TTLL10: variants seen among roughly 807,000 people sequenced by gnomAD.
TTLL10 encodes tubulin tyrosine ligase like 10.
Under a neutral mutation model 69.0 loss-of-function variants are expected in TTLL10, and 61 were observed. The ratio of observed to expected loss-of-function variants is 0.88; its 90% CI spans 0.72 to 1.09. The LOEUF (loss-of-function observed/expected upper bound fraction) is 1.09, where lower values mean the gene tolerates loss of function less well. TTLL10 is among the 50% of genes least tolerant of loss of function. TTLL10 has a pLI of 0.00. For missense variants in TTLL10, 962 were observed against 945.9 expected, an observed-to-expected ratio of 1.02 and a Z score of -0.22; for synonymous variants, 408 against 393.3, an observed-to-expected ratio of 1.04 and a Z score of -0.44.
In TTLL10 at chr1:1,185,227, G is replaced by A; in HGVS notation, c.1401+118G>A. 6.6e-7 allele frequency: 1 copy of A among 1,507,140 alleles called. No homozygotes were observed. The highest frequency in any genetic ancestry group is 8.9e-7 in the Non-Finnish European group (1 of 1,128,432). 93.4% of individuals were successfully genotyped at this position (1,507,140 alleles called of 1,614,324 possible). On this transcript the variant is annotated intron_variant, in intron 13 of 15. Transcript: ENST00000379289. This position sits in a 1 kb window ranked among gnomAD's most constrained non-coding sequence, Gnocchi z 6.1. Reference sequence around the variant, plus strand: ...CGTGCGTGGGCGGCTGCGCTGAAGTGTGACCTGACCGTGTGGAACCAAACC... The same window carrying A: ...CGTGCGTGGGCGGCTGCGCTGAAGTATGACCTGACCGTGTGGAACCAAACC...
chr1:1,176,930 C>A (rs189135311), intron 3 of TTLL10, among the ~76,000 whole-genome samples: 2 of 152,320 alleles, frequency 1.3e-5, no homozygotes, highest in Non-Finnish European at 2.9e-5. Context: ...CTGTCTCCAT[C>A]ACCCCAGCCT....
intron 13 of TTLL10, among the ~76,000 whole-genome samples, chr1:1,190,467 G>T (rs986530704): frequency 6.8e-6 from 1 of 146,868 alleles, no homozygotes; most frequent in Admixed American, 7.0e-5. Context: ...TTGCTCTGTC[G>T]CCCAAGCTGG....
intron 13 of TTLL10, among the ~76,000 whole-genome samples, chr1:1,190,071 C>CACT (rs1647633201): frequency 6.7e-6 from 1 of 150,034 alleles, no homozygotes; most frequent in Non-Finnish European, 1.5e-5. Flanking sequence ...GAGATCGCAC[C>CACT]ACTGCACTCC....
chr1:1,193,458 T>C (rs1330826272), intron 13 of TTLL10, among the ~76,000 whole-genome samples: 1 of 152,162 alleles, frequency 6.6e-6, no homozygotes, highest in African/African-American at 2.4e-5. Context: ...GAGAGATATT[T>C]TCTAGTGTAG....
At chr1:1,193,213 T>A (rs1366223558) in intron 13 of TTLL10, among the ~76,000 whole-genome samples, 1 of 152,066 alleles carries the variant, frequency 6.6e-6, no homozygotes, top group African/African-American at 2.4e-5. Context: ...TAGTCCCAGC[T>A]GCTCGGGAGG....
At chr1:1,182,718 G>A (rs539223589) in intron 10 of TTLL10, among the ~76,000 whole-genome samples, 158 bp from the exon 11 acceptor site, 3 of 152,222 alleles carry the variant, frequency 2.0e-5, no homozygotes, top group South Asian at 2.1e-4. Context: ...GTCGAGGCAC[G>A]GGCAGGAGCT....
intron 13 of TTLL10, among the ~76,000 whole-genome samples, chr1:1,188,203 T>G (rs1647484802): frequency 6.6e-6 from 1 of 152,210 alleles, no homozygotes. Context: ...ATTCCATTAG[T>G]GTATATGTCT....
At chr1:1,196,785 AC>A in intron 14 of TTLL10, 69 bp downstream of exon 14, 2 of 1,139,952 alleles carry the variant, frequency 1.8e-6, no homozygotes, top group Non-Finnish European at 2.6e-6. Context: ...GTACACCCTG[AC>A]CACACTGGCA....
At chr1:1,196,844 C>G (rs956195422) in intron 14 of TTLL10, 128 bp downstream of exon 14, 1 of 798,262 alleles carries the variant, frequency 1.3e-6, no homozygotes, top group African/African-American at 1.7e-5. Context: ...CTGCATGCAG[C>G]CCTGGGGATG....
rs996372816 is a variant in TTLL10 at position 1,197,503 on chromosome 1, C to A, written c.1678C>A (p.Arg560Ser). 2 of 1,543,394 alleles carry A rather than the reference C, an allele frequency of 1.3e-6. No homozygotes were observed. Among genetic ancestry groups the A allele is most frequent in the South Asian group, 1.2e-5 (1 of 83,708 alleles). Residue 560 changes from arginine (R) to serine (S), a missense_variant, in exon 16 of 16, where the codon CGC (arginine) becomes AGC (serine). Arg to Ser is a moderately radical substitution (Grantham distance 110, BLOSUM62 -1). Transcript: ENST00000379289. ...GQKMLPLLSQ[R>S]RFVLLHNGEA... Reference sequence around the variant, plus strand: ...GAAGATGTTGCCTCTGCTGTCCCAGCGCCGCTTCGTGCTCCTGCACAACGG... The same window carrying A: ...GAAGATGTTGCCTCTGCTGTCCCAGAGCCGCTTCGTGCTCCTGCACAACGG...
intron 11 of TTLL10, among the ~76,000 whole-genome samples, 188 bp downstream of exon 11, chr1:1,183,235 C>T (rs1647135765): frequency 6.6e-6 from 1 of 152,186 alleles, no homozygotes; most frequent in Non-Finnish European, 1.5e-5. Context: ...GCCGGGGTCA[C>T]AGACACAGGA....
chr1:1,181,874 G>A lies in TTLL10; in HGVS notation c.830+59G>A. 7.4e-6 allele frequency: 11 copies of A among 1,490,596 alleles called. No homozygotes were observed. The highest frequency in any genetic ancestry group is 9.2e-6 in the Non-Finnish European group (10 of 1,090,452). 92.3% of individuals were successfully genotyped at this position (1,490,596 alleles called of 1,614,324 possible). A position where few individuals can be genotyped will look rare whatever the true frequency, so the allele number is the denominator to read the frequency against. The stretch of plus-strand genomic sequence containing the variant: ...ACCGAAGTTCAGACCTAAACCTGGT[G>A]TCGTCTGAAAAGGAGAAAGCGGGGC... On this transcript the variant is annotated intron_variant, in intron 9 of 15. Transcript: ENST00000379289. The surrounding 1 kb of genome is among the most constrained non-coding windows in gnomAD (Gnocchi z 4.6).
rs778717464 is a variant in TTLL10, at chr1:1,179,318, C to G, written c.103C>G (p.Arg35Gly). 1 of 1,551,234 alleles carries G rather than the reference C, an allele frequency of 6.4e-7. No homozygotes were observed. The highest frequency in any genetic ancestry group is 8.7e-7 in the Non-Finnish European group (1 of 1,146,848). Residue 35 changes from arginine to glycine, a missense_variant, in exon 4 of 16, where the codon CGG becomes GGG. Transcript: ENST00000379289. ...GAGGCCAAGGATCCAGCAGAGGCCT[C>G]GGGCTCGAGTCTCAGGTGAATAGAG... ...GKRPRIQQRP[R>G]ARVSGTIPAS...
In TTLL10 at chr1:1,197,350, C is replaced by T. The variant is rs1413475655; in HGVS notation, c.1613-88C>T. 27 of 1,205,616 alleles carry T rather than the reference C, an allele frequency of 2.2e-5. No individual in the cohort carries two copies. The Middle Eastern group carries it at 1.7e-3, about 77-fold the overall frequency. 74.7% of individuals were successfully genotyped at this position (1,205,616 alleles called of 1,614,324 possible). ...CCCCAACCTTCCCCACACCTCAGCT[C>T]ACCTGGGTCCCACCCCTCACACCCT... is the stretch of plus-strand genomic sequence containing the variant. On this transcript the variant is annotated intron_variant, in intron 15 of 15. Coordinates refer to ENST00000379289, the MANE Select transcript of TTLL10 (RefSeq NM_001130045.2).
At chr1:1,178,561 CAAA>C (rs34552082) in intron 3 of TTLL10, among the ~76,000 whole-genome samples, 1 of 119,294 alleles carries the variant, frequency 8.4e-6, no homozygotes. Context: ...AGCTCCGTCT[CAAA>C]AAAAAAAAAA....
intron 13 of TTLL10, among the ~76,000 whole-genome samples, chr1:1,192,398 C>T (rs1374404500): frequency 6.6e-6 from 1 of 152,242 alleles, no homozygotes; most frequent in Non-Finnish European, 1.5e-5. Context: ...TAAGTGTAGA[C>T]ACTCCAGTTG....
Position 1,181,477 on chromosome 1 carries a change from C to T in TTLL10, c.756-264C>T, listed in dbSNP as rs547214339. 2.0e-4 allele frequency among the ~76,000 whole-genome samples: 31 copies of T among 152,210 alleles called. No individual in the cohort carries two copies. Among genetic ancestry groups the T allele is most frequent in the Non-Finnish European group, 3.4e-4 (23 of 68,004 alleles). The stretch of plus-strand genomic sequence containing the variant: ...CCCAGACATTTTTGCACCAAGCACC[C>T]GCCCAGCCAACCGCAGCTGCCTCCA... On this transcript the variant is annotated intron_variant, in intron 8 of 15. Transcript: ENST00000379289. This position sits in a 1 kb window ranked among gnomAD's most constrained non-coding sequence, Gnocchi z 4.6.
At position 1,181,591 on chromosome 1, in the gene TTLL10, CCCCAGGCACCGCCGTCCA is replaced by C. The variant is rs1647071327; in HGVS notation, c.756-144_756-127del. On this transcript the variant is annotated intron_variant, in intron 8 of 15. Coordinates refer to ENST00000379289, the MANE Select transcript of TTLL10 (RefSeq NM_001130045.2). The surrounding 1 kb of genome is among the most constrained non-coding windows in gnomAD (Gnocchi z 4.6). ...CAGCCTAGAGCAACACAGCTGTTTC[CCCCAGGCACCGCCGTCCA>C]CCCAGCCACCTCCTTCCACCACAAC... The C allele has an allele frequency of 8.7e-6, 6 of 688,396 alleles. No individual in the cohort carries two copies. The highest frequency in any genetic ancestry group is 1.5e-5 in the Non-Finnish European group (6 of 399,798). 42.6% of individuals were successfully genotyped at this position (688,396 alleles called of 1,614,324 possible).
At chr1:1,190,497 A>G (rs1647691607) in intron 13 of TTLL10, among the ~76,000 whole-genome samples, 1 of 149,774 alleles carries the variant, frequency 6.7e-6, no homozygotes, top group Non-Finnish European at 1.5e-5. Flanking sequence ...GCACGATTTC[A>G]GCTCACTGCA....
Sources: allele counts gnomAD v4.1 joint callset (sites outside exome capture counted in the v4.1 genomes callset), GRCh38; gene constraint gnomAD v4.1.1; non-coding constraint Gnocchi (gnomAD v3.1); transcripts MANE v1.5; gene names NCBI Gene and HGNC (gene_info 2026-07-23, HGNC 2026-07-21).